The following BACH1 variants were observed in gnomAD, a reference collection of about 807,000 sequenced individuals.
BACH1 encodes BTB domain and CNC homolog 1, also known as transcription regulator protein BACH1.
In BACH1, 35 loss-of-function variants were observed where a neutral mutation model predicts 52.9. The ratio of observed to expected loss-of-function variants is 0.66; its 90% CI spans 0.51 to 0.88. BACH1 has a LOEUF of 0.88. Among genes scored for constraint, BACH1 ranks in the 40% least tolerant of loss-of-function variants. BACH1 has a pLI of 0.00. For synonymous variants in BACH1, 321 were observed against 319.6 expected (o/e 1.00, Z -0.05); for missense variants, 808 against 872.6 (o/e 0.93, Z 0.93).
At chr21:29,318,399 A>G (rs533429383) in intron 1 of BACH1, among the ~76,000 whole-genome samples, 1 of 152,348 alleles carries the variant, frequency 6.6e-6, no homozygotes, top group South Asian at 2.1e-4. Context: ...TATGAACAGC[A>G]TCAGTCATGG....
intron 1 of BACH1, among the ~76,000 whole-genome samples, chr21:29,310,411 A>G (rs748519377): frequency 1.3e-5 from 2 of 152,236 alleles, no homozygotes; most frequent in Non-Finnish European, 2.9e-5. Flanking sequence ...AGGCATGGTG[A>G]TGGTGATGAG....
At chr21:29,313,891 G>T (rs1153289) in intron 1 of BACH1, among the ~76,000 whole-genome samples, 106,954 of 151,432 alleles carry the variant, frequency 0.71, 38,952 homozygotes, top group African/African-American at 0.87. Flanking sequence ...TGGTTGGGGG[G>T]GGTGGTGGTG....
intron 1 of BACH1, among the ~76,000 whole-genome samples, chr21:29,319,808 T>C (rs2088828369): frequency 6.6e-6 from 1 of 150,786 alleles, no homozygotes; most frequent in Non-Finnish European, 1.5e-5. Flanking sequence ...GGGCAGGGTA[T>C]AGTCTTGAAG....
chr21:29,305,944 A>T (rs183930700), intron 1 of BACH1, among the ~76,000 whole-genome samples: 112 of 152,346 alleles, frequency 7.4e-4, no homozygotes, highest in African/African-American at 2.6e-3. Flanking sequence ...TAGACAGGCA[A>T]ACTATTCCCA....
chr21:29,308,407 T>A (rs1002453831), intron 1 of BACH1, among the ~76,000 whole-genome samples: 6 of 152,178 alleles, frequency 3.9e-5, no homozygotes, highest in Admixed American at 1.3e-4. Flanking sequence ...CAGTTTCAAA[T>A]TTGTGATTCA....
At chr21:29,330,912 A>G (rs1200388936) in intron 4 of BACH1, among the ~76,000 whole-genome samples, 2 of 151,790 alleles carry the variant, frequency 1.3e-5, no homozygotes, top group Non-Finnish European at 2.9e-5. Context: ...TAAATAAAAA[A>G]TAGAGGAACT....
chr21:29,350,856 GA>G (rs1279656542), downstream of BACH1, among the ~76,000 whole-genome samples: 15 of 152,106 alleles, frequency 9.9e-5, no homozygotes, highest in Admixed American at 9.8e-4. Context: ...TGCAAGAAGA[GA>G]AAGAGAAAGA....
chr21:29,342,177 C>G (rs1039649057), intron 4 of BACH1, among the ~76,000 whole-genome samples: 1 of 152,152 alleles, frequency 6.6e-6, no homozygotes, highest in Admixed American at 6.5e-5. Context: ...ACTGTCTTTC[C>G]AAAACCTGAA....
chr21:29,342,466 A>G lies in BACH1; in HGVS notation c.1844A>G (p.Gln615Arg). 2.5e-6 allele frequency: 4 copies of G among 1,614,264 alleles called. No homozygotes were observed. The South Asian group carries it at 3.3e-5, about 13-fold the overall frequency. ...TTGTCAACTCTGGGTGAGACAAAGCAGAACCTAACTGGACTTTGCCAGAAA... is the reference window on the plus strand; with the variant it reads ...TTGTCAACTCTGGGTGAGACAAAGCGGAACCTAACTGGACTTTGCCAGAAA... ...HILSTLGETK[Q>R]NLTGLCQKVC... The change falls in exon 5 of 5, where the codon CAG becomes CGG. Residue 615 changes from glutamine (Q) to arginine (R), a missense_variant. By Grantham distance (43) the Gln-to-Arg change is conservative. Transcript: ENST00000286800.
intron 4 of BACH1, among the ~76,000 whole-genome samples, chr21:29,339,560 T>A (rs1169184489): frequency 6.6e-6 from 1 of 151,842 alleles, no homozygotes; most frequent in East Asian, 1.9e-4. Flanking sequence ...ATATTTATGA[T>A]CTTTAAAAAA....
downstream of BACH1, among the ~76,000 whole-genome samples, chr21:29,350,903 C>T (rs2089198419): frequency 6.6e-6 from 1 of 152,162 alleles, no homozygotes; most frequent in Non-Finnish European, 1.5e-5. Context: ...ATGAAAGCCA[C>T]GAACTTGCCC....
chr21:29,321,291 G>A lies in BACH1; in HGVS notation c.11G>A (p.Ser4Asn), dbSNP rs141543969. Residue 4 changes from serine to asparagine, a missense_variant, in exon 2 of 5, where the codon AGT (serine) becomes AAT (asparagine). Transcript: ENST00000286800. ...CATTTGTTATGCAGAATGTCTCTGAGTGAGAACTCGGTTTTTGCCTATGAA... is the reference window on the plus strand; with the variant it reads ...CATTTGTTATGCAGAATGTCTCTGAATGAGAACTCGGTTTTTGCCTATGAA... MSL[S>N]ENSVFAYESS... 4.7e-4 allele frequency: 751 copies of A among 1,613,842 alleles called. No individual in the cohort carries two copies. The highest frequency in any genetic ancestry group is 8.2e-4 in the Middle Eastern group (5 of 6,062).
downstream of BACH1, among the ~76,000 whole-genome samples, chr21:29,350,337 T>A (rs1201077044): frequency 6.6e-6 from 1 of 152,198 alleles, no homozygotes; most frequent in Non-Finnish European, 1.5e-5. Flanking sequence ...GAACATTGCA[T>A]ATTCCTTTCC....
intron 1 of BACH1, among the ~76,000 whole-genome samples, chr21:29,302,733 A>G (rs1384150909): frequency 6.6e-6 from 1 of 152,232 alleles, no homozygotes; most frequent in African/African-American, 2.4e-5. Context: ...ACTTAGTTAC[A>G]CAGTAGTGTT....
chr21:29,311,714 A>G (rs1023387517), intron 1 of BACH1, among the ~76,000 whole-genome samples: 1 of 152,020 alleles, frequency 6.6e-6, no homozygotes. Context: ...CCAGCTCTAA[A>G]CACTTTTTTT....
intron 4 of BACH1, among the ~76,000 whole-genome samples, chr21:29,333,166 TAAGA>T (rs1300161005): frequency 1.3e-5 from 2 of 152,200 alleles, no homozygotes; most frequent in Admixed American, 1.3e-4. Flanking sequence ...CTAATACGAA[TAAGA>T]AAGCTGGCCC....
intron 4 of BACH1, among the ~76,000 whole-genome samples, chr21:29,335,300 A>T (rs1438476589): frequency 1.3e-5 from 2 of 152,156 alleles, no homozygotes; most frequent in African/African-American, 4.8e-5. Flanking sequence ...ATCTGATGAG[A>T]TCAGGGATGA....
chr21:29,313,250 C>T (rs575586052), intron 1 of BACH1, among the ~76,000 whole-genome samples: 2 of 152,032 alleles, frequency 1.3e-5, no homozygotes, highest in South Asian at 2.1e-4. Flanking sequence ...GCCGATGAAA[C>T]AAAACAGTCC....
At chr21:29,346,664 CACA>C (rs1392545424), downstream of BACH1, among the ~76,000 whole-genome samples, 3 of 152,294 alleles carry the variant, frequency 2.0e-5, no homozygotes, top group East Asian at 5.8e-4. Context: ...GGACAGCCCT[CACA>C]ACAATTACCC....
Sources: allele counts gnomAD v4.1 joint callset (sites outside exome capture counted in the v4.1 genomes callset), GRCh38; gene constraint gnomAD v4.1.1; transcripts MANE v1.5; gene names NCBI Gene and HGNC (gene_info 2026-07-23, HGNC 2026-07-21).